Variants in HDGFL3 observed in about 807,000 individuals in gnomAD.
HDGFL3 encodes the protein HDGF like 3.
A neutral mutation model predicts 27.6 loss-of-function variants in HDGFL3; 6 were observed. The ratio of observed to expected loss-of-function variants is 0.22; its 90% confidence interval spans 0.12 to 0.43. The LOEUF is 0.43. Among genes scored for constraint, HDGFL3 ranks in the 20% least tolerant of loss-of-function variants. The pLI, the probability that HDGFL3 is intolerant of heterozygous loss-of-function variation, is 1.00. For missense variants in HDGFL3, 207 were observed against 250.1 expected (o/e 0.83, Z 1.16); for synonymous variants, 88 against 88.9 (o/e 0.99, Z 0.05).
chr15:83,124,904 A>G (rs1029680270), downstream of HDGFL3: 1 of 801,074 alleles, frequency 1.2e-6, no homozygotes, highest in Non-Finnish European at 2.0e-6. Flanking sequence ...CATTCCTCCC[A>G]TCAAAGCCTG....
intron 1 of HDGFL3, among the ~76,000 whole-genome samples, chr15:83,188,977 T>C (rs956150956): frequency 6.6e-6 from 1 of 152,192 alleles, no homozygotes; most frequent in Non-Finnish European, 1.5e-5. Context: ...CAGATGCCCT[T>C]ACCAGAACCT....
chr15:83,157,345 G>A (rs2151402050), intron 4 of HDGFL3, 70 bp downstream of exon 4: 1 of 1,439,856 alleles, frequency 6.9e-7, no homozygotes, highest in South Asian at 1.1e-5. Context: ...ATAAACACAT[G>A]GAAAATAATC....
downstream of HDGFL3, among the ~76,000 whole-genome samples, chr15:83,124,324 C>T (rs2035538927): frequency 6.6e-6 from 1 of 152,036 alleles, no homozygotes; most frequent in Admixed American, 6.6e-5. Context: ...TATCTATTTA[C>T]ATGTATTACT....
intron 1 of HDGFL3, among the ~76,000 whole-genome samples, chr15:83,202,758 A>G (rs2037664046): frequency 6.6e-6 from 1 of 152,144 alleles, no homozygotes; most frequent in Non-Finnish European, 1.5e-5. Context: ...AGATCAAGAC[A>G]GGGAACATTT....
chr15:83,125,494 A>G (rs1164563636), downstream of HDGFL3, among the ~76,000 whole-genome samples: 3 of 152,176 alleles, frequency 2.0e-5, no homozygotes, highest in African/African-American at 7.2e-5. Context: ...CTACCTTAAC[A>G]GTATTGTTTT....
intron 1 of HDGFL3, among the ~76,000 whole-genome samples, chr15:83,174,578 C>T (rs1317882290): frequency 1.3e-5 from 2 of 151,264 alleles, no homozygotes; most frequent in Non-Finnish European, 2.9e-5. Flanking sequence ...TCAACTTAAC[C>T]ATTTTTAAAT....
intron 1 of HDGFL3, chr15:83,169,253 A>T: frequency 2.2e-6 from 1 of 444,614 alleles, no homozygotes; most frequent in South Asian, 1.6e-5. Flanking sequence ...TAGTACTGGA[A>T]TGCCAGTCAG....
rs1322964881 is a variant in HDGFL3 at position 83,207,180 on chromosome 15, G to T, written c.84+151C>A. The T allele has an allele frequency of 1.1e-5, 5 of 455,052 alleles. No individual in the cohort carries two copies. The Admixed American group carries it at 2.2e-4, about 20-fold the overall frequency. 28.2% of individuals were successfully genotyped at this position (455,052 alleles called of 1,614,324 possible). On this transcript the variant is annotated intron_variant, in intron 1 of 5. Transcript: ENST00000299633. The surrounding 1 kb of genome is among the most constrained non-coding windows in gnomAD (Gnocchi z 4.8). ...GAGCCCTTGCCTCAGCCCCGGCCCG[G>T]TCTTCTTCGTGCCGCGCCGCCCTCA...
chr15:83,142,649 C>A (rs1194720690), intron 5 of HDGFL3, among the ~76,000 whole-genome samples: 1 of 152,002 alleles, frequency 6.6e-6, no homozygotes, highest in Non-Finnish European at 1.5e-5. Context: ...CACATGTACT[C>A]CCTGAAGTTT....
intron 3 of HDGFL3, among the ~76,000 whole-genome samples, chr15:83,118,643 C>A (rs1013665444): frequency 6.6e-6 from 1 of 152,116 alleles, no homozygotes; most frequent in Admixed American, 6.6e-5. Flanking sequence ...GAAAGCCCTG[C>A]TTGCTTGGCT....
At chr15:83,182,394 T>A (rs2037392151) in intron 1 of HDGFL3, among the ~76,000 whole-genome samples, 1 of 152,234 alleles carries the variant, frequency 6.6e-6, no homozygotes, top group Non-Finnish European at 1.5e-5. Context: ...ATAGCAACTT[T>A]ATTCCTAATA....
At chr15:83,177,120 T>C (rs978553298) in intron 1 of HDGFL3, among the ~76,000 whole-genome samples, 1 of 152,216 alleles carries the variant, frequency 6.6e-6, no homozygotes, top group Non-Finnish European at 1.5e-5. Flanking sequence ...GATTTCACCA[T>C]GTTGGCCAGG....
chr15:83,174,333 G>A (rs1394688695), intron 1 of HDGFL3, among the ~76,000 whole-genome samples: 1 of 152,036 alleles, frequency 6.6e-6, no homozygotes, highest in African/African-American at 2.4e-5. Flanking sequence ...CTCTCAAAGT[G>A]AGCACCATTC....
At chr15:83,194,992 T>C (rs2037552528) in intron 1 of HDGFL3, among the ~76,000 whole-genome samples, 1 of 152,182 alleles carries the variant, frequency 6.6e-6, no homozygotes, top group African/African-American at 2.4e-5. Flanking sequence ...GGATGCAGTG[T>C]TATCTCTTTC....
chr15:83,148,950 G>GA (rs2036932942), intron 5 of HDGFL3, among the ~76,000 whole-genome samples: 1 of 152,138 alleles, frequency 6.6e-6, no homozygotes, highest in South Asian at 2.1e-4. Flanking sequence ...AGAGGGACTG[G>GA]AAAGAATACG....
At chr15:83,140,142 A>C (rs1039126517) in intron 5 of HDGFL3, among the ~76,000 whole-genome samples, 2 of 152,328 alleles carry the variant, frequency 1.3e-5, no homozygotes, top group Middle Eastern at 3.4e-3. Flanking sequence ...GTATGTTCTC[A>C]TTCAGACAGC....
intron 1 of HDGFL3, among the ~76,000 whole-genome samples, chr15:83,167,713 A>G (rs1475350827): frequency 6.6e-6 from 1 of 152,242 alleles, no homozygotes; most frequent in Admixed American, 6.5e-5. Context: ...AAAGACAGCC[A>G]CACAATAATA....
rs1174223422 is a variant in HDGFL3, at chr15:83,128,875, G to A, written c.*10395C>T. ...AGACAGGGTCTTGCTCCATCTCCCA[G>A]GCTGGAGTGTGATGGCACAGTCATA... On this transcript the variant is annotated 3_prime_UTR_variant, in exon 6 of 6. Coordinates refer to ENST00000299633, the MANE Select transcript of HDGFL3 (RefSeq NM_016073.4). 1 of 151,994 alleles carries A rather than the reference G, an allele frequency of 6.6e-6. No homozygotes were observed. The highest frequency in any genetic ancestry group is 1.5e-5 in the Non-Finnish European group (1 of 68,074). The allele number at this position is 151,994 out of a possible 1,614,324, so 9.4% of individuals were successfully genotyped here. A position where few individuals can be genotyped will look rare whatever the true frequency, so the allele number is the denominator to read the frequency against.
intron 1 of HDGFL3, among the ~76,000 whole-genome samples, chr15:83,180,171 C>A (rs953811577): frequency 4.0e-5 from 6 of 151,770 alleles, no homozygotes; most frequent in African/African-American, 1.5e-4. Context: ...TCTGACGATG[C>A]CCACATTTAC....
Sources: allele counts gnomAD v4.1 joint callset (sites outside exome capture counted in the v4.1 genomes callset), GRCh38; gene constraint gnomAD v4.1.1; non-coding constraint Gnocchi (gnomAD v3.1); transcripts MANE v1.5; gene names NCBI Gene and HGNC (gene_info 2026-07-23, HGNC 2026-07-21).